The following SEMA4C variants were observed in gnomAD, a reference collection of about 807,000 sequenced individuals.
The protein encoded by SEMA4C is semaphorin 4C, also known as semaphorin-4C.
In SEMA4C, 19 loss-of-function variants were observed where a neutral mutation model predicts 89.0. That is an observed-to-expected ratio of 0.21 (90% CI 0.15 to 0.31). The LOEUF is 0.31. Among genes scored for constraint, SEMA4C ranks in the 10% least tolerant of loss-of-function variants. The pLI is 1.00. For missense variants in SEMA4C, 811 were observed against 1,107.0 expected, an observed-to-expected ratio of 0.73 and a Z score of 3.79; for synonymous variants, 428 against 472.7, an observed-to-expected ratio of 0.91 and a Z score of 1.23.
Position 96,870,034 on chromosome 2 carries a change from A to G in SEMA4C, c.-196T>C. 1 of 981,122 alleles carries G rather than the reference A, an allele frequency of 1.0e-6. No individual in the cohort carries two copies. Among genetic ancestry groups the G allele is most frequent in the Non-Finnish European group, 1.2e-6 (1 of 826,576 alleles). 60.8% of individuals were successfully genotyped at this position (981,122 alleles called of 1,614,324 possible). On this transcript the variant is annotated 5_prime_UTR_variant, in exon 1 of 15. Transcript: ENST00000305476. ...CGTCCCCGCCCGGCTCCGCGCCCCT[A>G]GGCTCGGGCTCCCCGCGCCACCACG... is the stretch of plus-strand genomic sequence containing the variant.
Position 96,865,074 on chromosome 2 carries a change from C to T in SEMA4C, c.676G>A (p.Gly226Ser). The T allele has an allele frequency of 6.4e-7, 1 of 1,561,260 alleles. No individual in the cohort carries two copies. Among genetic ancestry groups the T allele is most frequent in the South Asian group, 1.2e-5 (1 of 85,286 alleles). Reference protein sequence around the residue: ...VGSAYVPESVGSFTGDDDKVY... With the variant: ...VGSAYVPESVSSFTGDDDKVY... ...TTGTCGTCGTCCCCCGTGAAGCTGC[C>T]CACACTCTCAGGTACATAGGCAGAG... The change falls in exon 8 of 15, where the codon GGC (glycine) becomes AGC (serine). Residue 226 changes from glycine to serine, a missense_variant. Gly to Ser is a moderately conservative substitution (Grantham distance 56, BLOSUM62 0). Transcript: ENST00000305476.
At chr2:96,865,808 G>A (rs1282098096) in intron 4 of SEMA4C, 44 bp from the exon 5 acceptor site, 1 of 1,613,444 alleles carries the variant, frequency 6.2e-7, no homozygotes, top group African/African-American at 1.3e-5. Flanking sequence ...GCGAGGGCCA[G>A]AATGGGAGGA....
At chr2:96,865,394 C>A in intron 6 of SEMA4C, 47 bp downstream of exon 6, 1 of 1,611,374 alleles carries the variant, frequency 6.2e-7, no homozygotes, top group Non-Finnish European at 8.5e-7. Context: ...CCAAGTGGAA[C>A]CAAGCCCCAA....
chr2:96,865,389 T>G (rs2080045831), intron 6 of SEMA4C, 52 bp downstream of exon 6: 24 of 1,611,132 alleles, frequency 1.5e-5, no homozygotes, highest in Non-Finnish European at 1.9e-5. Context: ...CAGACCCAAG[T>G]GGAACCAAGC....
rs2153363378 is a variant in SEMA4C, at chr2:96,863,801, G to A, written c.1331-7C>T. 3 of 1,612,606 alleles carry A rather than the reference G, an allele frequency of 1.9e-6. No homozygotes were observed. In the East Asian group the frequency reaches 6.7e-5, roughly 36 times the overall value. On this transcript the variant is annotated splice_region_variant and splice_polypyrimidine_tract_variant and intron_variant, in intron 11 of 14. Coordinates refer to ENST00000305476, the MANE Select transcript of SEMA4C (RefSeq NM_017789.5). ...TTGAGCAGCCAGCCGTCTCCTGGGG[G>A]GTGCAGAGGAGAAGGTGTAAATGAG...
In SEMA4C at chr2:96,865,265, G is replaced by A. The variant is rs1156821904; in HGVS notation, c.573C>T (p.Ile191=). ...LNNFLGTEPI[I]LRNMGPHHSM... is the part of the protein sequence containing the mutation. ...AGTGGTGGGGCCCCATGTTACGCAG[G>A]ATAATGGGTTCCGTGCCCAGGAAGT... The change falls in exon 7 of 15, where the codon ATC becomes ATT. Residue 191 remains isoleucine, a synonymous_variant. Coordinates refer to ENST00000305476, the MANE Select transcript of SEMA4C (RefSeq NM_017789.5). 1.2e-6 allele frequency: 2 copies of A among 1,614,212 alleles called. No homozygotes were observed. Among genetic ancestry groups the A allele is most frequent in the East Asian group, 2.2e-5 (1 of 44,886 alleles).
upstream of SEMA4C, chr2:96,870,252 C>G (rs969956613): frequency 4.1e-6 from 4 of 985,370 alleles, no homozygotes; most frequent in East Asian, 1.1e-4. Flanking sequence ...TCTGGGTGCC[C>G]GGACCTCAAC....
At position 96,864,381 on chromosome 2, in the gene SEMA4C, C is replaced by T; in HGVS notation, c.964G>A (p.Gly322Ser). 1 of 1,613,426 alleles carries T rather than the reference C, an allele frequency of 6.2e-7. No individual in the cohort carries two copies. The highest frequency in any genetic ancestry group is 1.3e-5 in the African/African-American group (1 of 75,016). Residue 322 changes from glycine to serine, a missense_variant and splice_region_variant, in exon 10 of 15, where the codon GGT becomes AGT. Gly to Ser is a moderately conservative substitution (Grantham distance 56). This residue lies in a region of SEMA4C where 441 missense variants were observed against 664.9 expected (regional missense o/e 0.66). Transcript: ENST00000305476. This position sits in a 1 kb window ranked among gnomAD's most constrained non-coding sequence, Gnocchi z 6.3. ...CAGATGGCCGACAGGTACATGTCAC[C>T]CCTGTCACAGCGAGAGGGAGCCCAG... The part of the protein sequence containing the change: ...TFFGVFQAQW[G>S]DMYLSAICEY...
Position 96,870,075 on chromosome 2 carries a change from T to C in SEMA4C, c.-237A>G, listed in dbSNP as rs1035992368. On this transcript the variant is annotated 5_prime_UTR_variant, in exon 1 of 15. Transcript: ENST00000305476. ...CGCCACCACGGCGGGCGCCGGCTCTTTCTCCAGCGCGGCCGCGGCTCTCCG... is the reference window on the plus strand; with the variant it reads ...CGCCACCACGGCGGGCGCCGGCTCTCTCTCCAGCGCGGCCGCGGCTCTCCG... 74 of 971,166 alleles carry C rather than the reference T, an allele frequency of 7.6e-5. No homozygotes were observed. In the Middle Eastern group the frequency reaches 2.1e-3, roughly 28 times the overall value. 60.2% of individuals were successfully genotyped at this position (971,166 alleles called of 1,614,324 possible).
chr2:96,865,621 G>A (rs1433395671), intron 5 of SEMA4C, 45 bp downstream of exon 5: 17 of 1,598,248 alleles, frequency 1.1e-5, no homozygotes, highest in Non-Finnish European at 1.3e-5. Flanking sequence ...GAAGGGTGAG[G>A]AGGGCGGGGG....
In SEMA4C at chr2:96,866,298, C is replaced by CA. The variant is rs1324464591; in HGVS notation, c.242dup (p.Glu82GlyfsTer17). 6.2e-7 allele frequency: 1 copy of CA among 1,611,484 alleles called. No individual in the cohort carries two copies. The highest frequency in any genetic ancestry group is 8.5e-7 in the Non-Finnish European group (1 of 1,178,196). ...CACCTCTCACCGCTCCTTGCAGCTC[C>CA]AGGGCCTCCATGCTGAAGGCAAACA... On this transcript the variant is annotated frameshift_variant, in exon 3 of 15. Coordinates refer to ENST00000305476, the MANE Select transcript of SEMA4C (RefSeq NM_017789.5). LOFTEE classifies it high-confidence loss of function.
chr2:96,867,984 G>C, intron 1 of SEMA4C, 61 bp from the exon 2 acceptor site: 1 of 1,583,626 alleles, frequency 6.3e-7, no homozygotes, highest in Non-Finnish European at 8.6e-7. Context: ...AGAGGGGCCC[G>C]CAGCAGGAGA....
Position 96,864,154 on chromosome 2 carries a change from G to T in SEMA4C, c.1108-6C>A, listed in dbSNP as rs1229893274. 1 of 1,612,950 alleles carries T rather than the reference G, an allele frequency of 6.2e-7. No homozygotes were observed. Among genetic ancestry groups the T allele is most frequent in the South Asian group, 1.1e-5 (1 of 91,078 alleles). On this transcript the variant is annotated splice_polypyrimidine_tract_variant and splice_region_variant and intron_variant, in intron 10 of 14. Coordinates refer to ENST00000305476, the MANE Select transcript of SEMA4C (RefSeq NM_017789.5). The surrounding 1 kb of genome is among the most constrained non-coding windows in gnomAD (Gnocchi z 6.3). The stretch of plus-strand genomic sequence containing the variant: ...CGATGCCAGTTGTTAATGCACTGGG[G>T]GCAGGGTGTGGGGGGCAGGCCATCA...
upstream of SEMA4C, chr2:96,870,688 A>T (rs1170847756): frequency 1.2e-5 from 12 of 985,438 alleles, no homozygotes; most frequent in Non-Finnish European, 1.3e-5. Context: ...CGCTTTGGGC[A>T]AAGCGCCTAT....
In SEMA4C at chr2:96,864,038, A is replaced by C; in HGVS notation, c.1218T>G (p.Pro406=). Reference sequence around the variant, plus strand: ...TCACGAGCAGGGGGCGGCTCCACCGAGGCCCCACCTGCTCCTCCATCAGCG... The same window carrying C: ...TCACGAGCAGGGGGCGGCTCCACCGCGGCCCCACCTGCTCCTCCATCAGCG... The part of the protein sequence containing the change: ...KHPLMEEQVG[P]RWSRPLLVKK... Residue 406 remains proline, a synonymous_variant, in exon 11 of 15, where the codon CCT becomes CCG. Transcript: ENST00000305476. This position sits in a 1 kb window ranked among gnomAD's most constrained non-coding sequence, Gnocchi z 6.3. The C allele has an allele frequency of 6.2e-7, 1 of 1,613,246 alleles. No homozygotes were observed. Among genetic ancestry groups the C allele is most frequent in the Non-Finnish European group, 8.5e-7 (1 of 1,179,988 alleles).
At chr2:96,866,141 A>T in intron 3 of SEMA4C, 142 bp downstream of exon 3, 1 of 1,251,708 alleles carries the variant, frequency 8.0e-7, no homozygotes, top group Non-Finnish European at 1.1e-6. Flanking sequence ...CCGCATGCTG[A>T]CCCCAACCAG....
chr2:96,865,292 G>T lies in SEMA4C; in HGVS notation c.546C>A (p.Asn182Lys), dbSNP rs1320001482. 6.2e-7 allele frequency: 1 copy of T among 1,614,222 alleles called. No homozygotes were observed. The highest frequency in any genetic ancestry group is 1.7e-5 in the Admixed American group (1 of 60,034). ...VDGELYSATL[N>K]NFLGTEPIIL... Reference sequence around the variant, plus strand: ...TAATGGGTTCCGTGCCCAGGAAGTTGTTGAGTGTGGCCGAGTACAGCTCAC... The same window carrying T: ...TAATGGGTTCCGTGCCCAGGAAGTTTTTGAGTGTGGCCGAGTACAGCTCAC... The change falls in exon 7 of 15, where the codon AAC (asparagine) becomes AAA (lysine). Residue 182 changes from asparagine (N) to lysine (K), a missense_variant. By Grantham distance (94) the Asn-to-Lys change is moderately conservative. Coordinates refer to ENST00000305476, the MANE Select transcript of SEMA4C (RefSeq NM_017789.5).
Position 96,864,866 on chromosome 2 carries a change from GC to G in SEMA4C, c.800del (p.Gly267AlafsTer13). ...TCCACTTCCTCTGCAGGGTCCGTGC[GC>G]CCCCCATATCGCCCTGGCAGACGGC... ...VARVCKGDMG[G>X]ARTLQRKWTT... On this transcript the variant is annotated frameshift_variant, in exon 9 of 15. Transcript: ENST00000305476. LOFTEE classifies it high-confidence loss of function. This position sits in a 1 kb window ranked among gnomAD's most constrained non-coding sequence, Gnocchi z 6.3. 6.2e-7 allele frequency: 1 copy of G among 1,613,210 alleles called. No homozygotes were observed. The highest frequency in any genetic ancestry group is 8.5e-7 in the Non-Finnish European group (1 of 1,179,756).
At chr2:96,863,415 TG>T in intron 12 of SEMA4C, 1 of 1,226,788 alleles carries the variant, frequency 8.2e-7, no homozygotes, top group South Asian at 2.0e-5. Context: ...GAAAGAAACA[TG>T]GGAGCAGTTG....
Sources: allele counts gnomAD v4.1 joint callset, GRCh38; gene constraint gnomAD v4.1.1; regional missense constraint gnomAD v4.1.1; non-coding constraint Gnocchi (gnomAD v3.1); transcripts MANE v1.5; gene names NCBI Gene and HGNC (gene_info 2026-07-23, HGNC 2026-07-21).